Variants in RYR3 observed in about 807,000 individuals in gnomAD.
The protein encoded by RYR3 is ryanodine receptor 3.
A neutral mutation model predicts 584.3 loss-of-function variants in RYR3; 207 were observed. The ratio of observed to expected loss-of-function variants is 0.35; its 90% CI spans 0.32 to 0.40. The LOEUF (loss-of-function observed/expected upper bound fraction) is 0.40, where lower values mean the gene tolerates loss of function less well. RYR3 is among the 10% of genes least tolerant of loss of function. The pLI, the probability that RYR3 is intolerant of heterozygous loss-of-function variation, is 1.00. For missense variants in RYR3, 5,616 were observed against 6,089.2 expected (o/e 0.92, Z 2.59); for synonymous variants, 2,416 against 2,248.5 (o/e 1.07, Z -2.11).
At chr15:33,313,180 A>G (rs560060521) in intron 1 of RYR3, among the ~76,000 whole-genome samples, 1 of 152,148 alleles carries the variant, frequency 6.6e-6, no homozygotes, top group South Asian at 2.1e-4. Context: ...TCTTCACCCT[A>G]TGAGGCACCT....
chr15:33,764,591 AATG>A (rs1375059377), intron 60 of RYR3, among the ~76,000 whole-genome samples: 1 of 151,980 alleles, frequency 6.6e-6, no homozygotes, highest in South Asian at 2.1e-4. Flanking sequence ...AAAAAAAAAA[AATG>A]AGCATCTGTC....
chr15:33,337,933 G>GGTTTT (rs1567050796), intron 1 of RYR3, among the ~76,000 whole-genome samples: 1 of 84,118 alleles, frequency 1.2e-5, no homozygotes, highest in Non-Finnish European at 2.5e-5. Context: ...CATTTTAGGA[G>GGTTTT]ATTTTTTTTT....
intron 17 of RYR3, 114 bp downstream of exon 17, chr15:33,601,666 T>G: frequency 9.0e-7 from 1 of 1,111,020 alleles, no homozygotes. Context: ...GTTTCCATGG[T>G]GATACAAGTA....
intron 12 of RYR3, among the ~76,000 whole-genome samples, chr15:33,576,941 G>T (rs141070298): frequency 0.027 from 4,072 of 152,242 alleles, 163 homozygotes; most frequent in African/African-American, 0.088. Flanking sequence ...AAATCAATGT[G>T]CAAAAATCAC....
At chr15:33,778,622 C>G (rs1022621701) in intron 64 of RYR3, among the ~76,000 whole-genome samples, 10 of 152,208 alleles carry the variant, frequency 6.6e-5, no homozygotes, top group African/African-American at 2.4e-4. Context: ...GGGGCCTGCC[C>G]AGAAGTGAAG....
chr15:33,653,025 C>A, intron 32 of RYR3, 142 bp downstream of exon 32: 1 of 716,768 alleles, frequency 1.4e-6, no homozygotes, highest in Non-Finnish European at 2.2e-6. Flanking sequence ...CTTAGGACAA[C>A]AAATAAACAA....
intron 2 of RYR3, among the ~76,000 whole-genome samples, chr15:33,499,797 C>A (rs1214642474): frequency 2.0e-5 from 3 of 152,190 alleles, no homozygotes; most frequent in Non-Finnish European, 4.4e-5. Flanking sequence ...TTCAGGTAGT[C>A]CTACACTATA....
chr15:33,457,676 C>T (rs539677445), intron 1 of RYR3, among the ~76,000 whole-genome samples: 22 of 152,142 alleles, frequency 1.4e-4, no homozygotes, highest in South Asian at 6.2e-4. Flanking sequence ...AGGGTGACTA[C>T]GATTCACAAT....
At chr15:33,446,601 C>A (rs1596177495) in intron 1 of RYR3, among the ~76,000 whole-genome samples, 1 of 152,192 alleles carries the variant, frequency 6.6e-6, no homozygotes, top group East Asian at 1.9e-4. Flanking sequence ...CTTCTAAAGA[C>A]ACCAGTGAGA....
At chr15:33,711,461 T>A (rs1253089014) in intron 43 of RYR3, among the ~76,000 whole-genome samples, 1 of 151,830 alleles carries the variant, frequency 6.6e-6, no homozygotes. Flanking sequence ...GCCAGGATGG[T>A]CTCAATCTCC....
chr15:33,538,776 C>A (rs956111761), intron 5 of RYR3, among the ~76,000 whole-genome samples: 1 of 152,218 alleles, frequency 6.6e-6, no homozygotes, highest in Non-Finnish European at 1.5e-5. Flanking sequence ...CATTTTCTTA[C>A]TGAAAGACCT....
intron 58 of RYR3, 146 bp from the exon 59 acceptor site, chr15:33,756,160 G>A: frequency 1.5e-6 from 1 of 678,246 alleles, no homozygotes; most frequent in Non-Finnish European, 2.7e-6. Context: ...AACCAGGACA[G>A]TTGTAAAGTA....
At chr15:33,745,540 G>A (rs1280387588) in intron 52 of RYR3, among the ~76,000 whole-genome samples, 4 of 152,198 alleles carry the variant, frequency 2.6e-5, no homozygotes, top group Non-Finnish European at 5.9e-5. Flanking sequence ...GCCTCGGACA[G>A]AGTCTGGTGT....
intron 3 of RYR3, among the ~76,000 whole-genome samples, chr15:33,518,489 G>T (rs986504415): frequency 4.6e-5 from 7 of 152,068 alleles, no homozygotes; most frequent in African/African-American, 9.7e-5. Context: ...AGCTCTGCAG[G>T]TGCTACTTTT....
rs1382752273 is a variant in RYR3, at chr15:33,812,877, T to C, written c.10272T>C (p.Ala3424=). 6.2e-7 allele frequency: 1 copy of C among 1,613,904 alleles called. No homozygotes were observed. Among genetic ancestry groups the C allele is most frequent in the South Asian group, 1.1e-5 (1 of 91,066 alleles). ...LHLQEKSDDP[A]VKWQLNLYKD... The stretch of plus-strand genomic sequence containing the variant: ...TCAATTTTCAGTCTGATGACCCAGC[T>C]GTAAAATGGCAACTGAACCTCTACA... The change falls in exon 73 of 104, where the codon GCT becomes GCC. Residue 3424 remains alanine, a synonymous_variant. Transcript: ENST00000634891.
At chr15:33,765,628 G>A (rs12898419) in intron 60 of RYR3, among the ~76,000 whole-genome samples, 12,397 of 92,166 alleles carry the variant, frequency 0.13, 777 homozygotes, top group East Asian at 0.37. Context: ...GTGAGACTCC[G>A]TCTCAAAAAA....
chr15:33,332,594 T>G (rs981985473), intron 1 of RYR3, among the ~76,000 whole-genome samples: 2 of 152,110 alleles, frequency 1.3e-5, no homozygotes, highest in African/African-American at 2.4e-5. Context: ...CATATAAATC[T>G]TATTCTCTCA....
At chr15:33,319,289 A>C (rs1370657113) in intron 1 of RYR3, among the ~76,000 whole-genome samples, 1 of 145,496 alleles carries the variant, frequency 6.9e-6, no homozygotes, top group African/African-American at 2.6e-5. Context: ...GCAGAAGGAG[A>C]GATCCCGTTG....
At chr15:33,339,615 C>T (rs551345455) in intron 1 of RYR3, among the ~76,000 whole-genome samples, 7 of 152,238 alleles carry the variant, frequency 4.6e-5, no homozygotes, top group Admixed American at 3.3e-4. Flanking sequence ...ACCGGCCGGG[C>T]GCGGTGGCTC....
Sources: gnomAD v4.1 joint callset for allele counts (sites outside exome capture counted in the v4.1 genomes callset) on GRCh38, gnomAD v4.1.1 for gene constraint, MANE v1.5 for transcripts, NCBI Gene and HGNC (gene_info 2026-07-23, HGNC 2026-07-21) for gene names.